Variants in TMEM178B observed in about 807,000 individuals in gnomAD.
TMEM178B encodes transmembrane protein 178B.
A neutral mutation model predicts 31.0 loss-of-function variants in TMEM178B; 5 were observed. That is an observed-to-expected ratio of 0.16 (90% confidence interval 0.08 to 0.34). The LOEUF (loss-of-function observed/expected upper bound fraction) is 0.34, where lower values mean the gene tolerates loss of function less well. TMEM178B is among the 10% of genes least tolerant of loss of function. The probability of loss-of-function intolerance (pLI) is 1.00; values close to 1 mark genes in which losing one functional copy is unlikely to be tolerated. For synonymous variants in TMEM178B, 164 were observed against 164.0 expected (o/e 1.00, Z 0.00); for missense variants, 275 against 400.3 (o/e 0.69, Z 2.67).
chr7:141,108,498 G>A (rs1795181714), intron 1 of TMEM178B, among the ~76,000 whole-genome samples: 1 of 152,132 alleles, frequency 6.6e-6, no homozygotes. Context: ...TGTGGTACTG[G>A]GAGTTTGTGG....
intron 2 of TMEM178B, among the ~76,000 whole-genome samples, chr7:141,326,920 G>T (rs949899918): frequency 2.6e-5 from 4 of 152,196 alleles, no homozygotes; most frequent in African/African-American, 9.6e-5. Flanking sequence ...TTAGTGGGAT[G>T]AGGAACTGAC....
intron 1 of TMEM178B, among the ~76,000 whole-genome samples, chr7:141,187,248 A>G (rs1215083688): frequency 5.9e-5 from 9 of 151,406 alleles, no homozygotes; most frequent in Non-Finnish European, 1.3e-4. Flanking sequence ...AGTTTCATCC[A>G]TGTCCCTACA....
chr7:141,382,656 T>A (rs573946454), intron 2 of TMEM178B, among the ~76,000 whole-genome samples: 1 of 152,230 alleles, frequency 6.6e-6, no homozygotes. Context: ...TGCCTTTCTT[T>A]AGTGGACTGT....
chr7:141,379,892 G>C (rs1800283872), intron 2 of TMEM178B, among the ~76,000 whole-genome samples: 1 of 152,086 alleles, frequency 6.6e-6, no homozygotes. Flanking sequence ...CCTCAAATTG[G>C]GGGATGTCTC....
At chr7:141,217,601 G>A (rs563692509) in intron 2 of TMEM178B, among the ~76,000 whole-genome samples, 4 of 152,040 alleles carry the variant, frequency 2.6e-5, no homozygotes, top group African/African-American at 7.2e-5. Context: ...GTGACAGAGC[G>A]AGACTCCATC....
chr7:141,408,590 C>T (rs917887127), intron 2 of TMEM178B, among the ~76,000 whole-genome samples: 6 of 151,968 alleles, frequency 3.9e-5, no homozygotes, highest in Non-Finnish European at 8.8e-5. Flanking sequence ...TGGTTCCTGC[C>T]CTGAATGGAG....
At chr7:141,128,733 A>G (rs1393109339) in intron 1 of TMEM178B, among the ~76,000 whole-genome samples, 2 of 152,160 alleles carry the variant, frequency 1.3e-5, no homozygotes, top group Admixed American at 6.5e-5. Flanking sequence ...TGATTCCCAC[A>G]TCACTTCTCC....
At chr7:141,428,209 CA>C (rs774874930) in intron 2 of TMEM178B, among the ~76,000 whole-genome samples, 2 of 149,924 alleles carry the variant, frequency 1.3e-5, no homozygotes, top group African/African-American at 4.9e-5. Flanking sequence ...ACTAAAAATA[CA>C]AAAAAAAATT....
At chr7:141,489,292 A>T in the TMEM178B span, among the ~76,000 whole-genome samples, 1 of 152,150 alleles carries the variant, frequency 6.6e-6, no homozygotes, top group Non-Finnish European at 1.5e-5. Flanking sequence ...CTCAGTTTTA[A>T]ATCCTGCATC....
chr7:141,438,737 A>C (rs1801599927), intron 3 of TMEM178B, among the ~76,000 whole-genome samples: 1 of 144,006 alleles, frequency 6.9e-6, no homozygotes, highest in Non-Finnish European at 1.5e-5. Flanking sequence ...TTAGCCAGGC[A>C]TGGTAGCGCG....
At chr7:141,391,104 G>C (rs1335760617) in intron 2 of TMEM178B, among the ~76,000 whole-genome samples, 1 of 152,290 alleles carries the variant, frequency 6.6e-6, no homozygotes, top group Admixed American at 6.5e-5. Context: ...CCTTGGCAGA[G>C]CTGAGATGGT....
chr7:141,499,547 G>GCGAATCATGAGGTCAGGAGATC, the TMEM178B span, among the ~76,000 whole-genome samples: 1 of 151,928 alleles, frequency 6.6e-6, no homozygotes, highest in South Asian at 2.1e-4. Context: ...GCTGAGGTGG[G>GCGAATCATGAGGTCAGGAGATC]AGGATTGCTT....
At chr7:141,161,470 T>C (rs1378161687) in intron 1 of TMEM178B, among the ~76,000 whole-genome samples, 1 of 152,082 alleles carries the variant, frequency 6.6e-6, no homozygotes, top group African/African-American at 2.4e-5. Context: ...TGTGGGTCTG[T>C]TGTGTGGCCA....
intron 2 of TMEM178B, among the ~76,000 whole-genome samples, chr7:141,356,226 A>G (rs922708851): frequency 8.5e-5 from 13 of 152,344 alleles, no homozygotes; most frequent in African/African-American, 3.1e-4. Context: ...TCCTTTGGGT[A>G]CATGCCCAGT....
At chr7:141,317,246 A>T (rs1799021007) in intron 2 of TMEM178B, among the ~76,000 whole-genome samples, 1 of 152,126 alleles carries the variant, frequency 6.6e-6, no homozygotes, top group Non-Finnish European at 1.5e-5. Context: ...GTTTTTGGAG[A>T]TGCCTATAGG....
At chr7:141,142,767 C>T (rs1299178397) in intron 1 of TMEM178B, among the ~76,000 whole-genome samples, 2 of 152,204 alleles carry the variant, frequency 1.3e-5, no homozygotes, top group East Asian at 3.8e-4. Context: ...CAAATGGTAG[C>T]TCTCTTTTAA....
chr7:141,084,064 A>G (rs1794737320), intron 1 of TMEM178B, among the ~76,000 whole-genome samples: 2 of 152,140 alleles, frequency 1.3e-5, no homozygotes, highest in South Asian at 4.1e-4. Flanking sequence ...CTCGGCCTCC[A>G]AAAGTGCTGG....
At chr7:141,428,301 G>T (rs1440421585) in intron 2 of TMEM178B, among the ~76,000 whole-genome samples, 1 of 149,588 alleles carries the variant, frequency 6.7e-6, no homozygotes, top group Non-Finnish European at 1.5e-5. Context: ...CTGGGAGGCG[G>T]AGGTTGTGGT....
chr7:141,177,901 C>A (rs1796460088), intron 1 of TMEM178B, among the ~76,000 whole-genome samples: 1 of 152,134 alleles, frequency 6.6e-6, no homozygotes, highest in African/African-American at 2.4e-5. Context: ...ATCCAATTTG[C>A]CAGTCTGTGT....
Sources: allele counts gnomAD v4.1 joint callset (sites outside exome capture counted in the v4.1 genomes callset), GRCh38; gene constraint gnomAD v4.1.1; transcripts MANE v1.5; gene names NCBI Gene and HGNC (gene_info 2026-07-23, HGNC 2026-07-21).